The following HAO1 variants were observed in gnomAD, a reference collection of about 807,000 sequenced individuals.
HAO1 encodes the protein 2-Hydroxyacid oxidase 1.
Under a neutral mutation model 39.7 loss-of-function variants are expected in HAO1, and 34 were observed. The observed-to-expected ratio is 0.86, with a 90% CI of 0.65 to 1.14. HAO1 has a LOEUF of 1.14. HAO1 is among the 50% of genes most tolerant of loss of function. The pLI is 0.00. For synonymous variants in HAO1, 172 were observed against 173.2 expected, an observed-to-expected ratio of 0.99 and a Z score of 0.05; for missense variants, 479 against 464.5, an observed-to-expected ratio of 1.03 and a Z score of -0.29.
intron 4 of HAO1, among the ~76,000 whole-genome samples, chr20:7,903,572 G>A (rs1161162350): frequency 1.3e-5 from 2 of 150,842 alleles, no homozygotes; most frequent in Admixed American, 6.6e-5. Flanking sequence ...TGGTGGTGTT[G>A]ATGGTGGTTG....
At chr20:7,903,968 A>G (rs2050236021) in intron 4 of HAO1, among the ~76,000 whole-genome samples, 1 of 152,132 alleles carries the variant, frequency 6.6e-6, no homozygotes, top group African/African-American at 2.4e-5. Context: ...TCAACATAAC[A>G]TGTGATAGTA....
chr20:7,923,732 CA>C (rs2050345529), intron 2 of HAO1, among the ~76,000 whole-genome samples: 1 of 152,126 alleles, frequency 6.6e-6, no homozygotes, highest in African/African-American at 2.4e-5. Flanking sequence ...GGTATGTTAA[CA>C]AAATTCAGAT....
At position 7,883,494 on chromosome 20, in the gene HAO1, TG is replaced by T. The variant is rs2050136985; in HGVS notation, c.*98del. On this transcript the variant is annotated 3_prime_UTR_variant, in exon 8 of 8. Coordinates refer to ENST00000378789, the MANE Select transcript of HAO1 (RefSeq NM_017545.3). ...AAGAACGACACCCTTTGTATTGAAG[TG>T]GGGAATTACAGACTGTGGTCACCCT... The T allele has an allele frequency of 1.2e-6, 1 of 851,620 alleles. No individual in the cohort carries two copies. The highest frequency in any genetic ancestry group is 2.4e-5 in the East Asian group (1 of 40,958). The allele number at this position is 851,620 out of a possible 1,614,324, so 52.8% of individuals were successfully genotyped here. A position where few individuals can be genotyped will look rare whatever the true frequency, so the allele number is the denominator to read the frequency against.
chr20:7,910,927 T>C (rs1030801131), intron 3 of HAO1, among the ~76,000 whole-genome samples: 1 of 152,050 alleles, frequency 6.6e-6, no homozygotes, highest in African/African-American at 2.4e-5. Flanking sequence ...ATCTCTACCA[T>C]CAATTTTTAT....
intron 3 of HAO1, among the ~76,000 whole-genome samples, chr20:7,911,146 C>T (rs183813726): frequency 4.6e-5 from 7 of 152,276 alleles, no homozygotes; most frequent in South Asian, 4.1e-4. Flanking sequence ...GTGAGTGCTA[C>T]GCAGTGAGGC....
chr20:7,907,846 T>C (rs1038750247), intron 3 of HAO1, among the ~76,000 whole-genome samples: 1 of 152,178 alleles, frequency 6.6e-6, no homozygotes, highest in Non-Finnish European at 1.5e-5. Context: ...AATAGAATCA[T>C]TCCTGTGACT....
At chr20:7,905,184 T>G (rs1011723344) in intron 4 of HAO1, among the ~76,000 whole-genome samples, 2 of 149,246 alleles carry the variant, frequency 1.3e-5, no homozygotes, top group African/African-American at 5.2e-5. Flanking sequence ...TTAATTTGTT[T>G]AAGCACAGAA....
intron 3 of HAO1, among the ~76,000 whole-genome samples, chr20:7,909,383 A>ATATATATATATATATATATATATATACG (rs1568514558): frequency 8.0e-6 from 1 of 124,818 alleles, no homozygotes; most frequent in Admixed American, 8.1e-5. Flanking sequence ...ATATATGTAT[A>ATATATATATATATATATATATATATACG]TATATATATA....
At chr20:7,894,558 T>C (rs1482651410) in intron 5 of HAO1, among the ~76,000 whole-genome samples, 1 of 152,158 alleles carries the variant, frequency 6.6e-6, no homozygotes, top group Non-Finnish European at 1.5e-5. Context: ...GCAGCCAAGG[T>C]GGTTCACAAC....
At chr20:7,926,093 A>T (rs894872710) in intron 2 of HAO1, among the ~76,000 whole-genome samples, 3 of 152,084 alleles carry the variant, frequency 2.0e-5, no homozygotes, top group Non-Finnish European at 4.4e-5. Context: ...ACACAGAAAG[A>T]GCATGTCACT....
intron 2 of HAO1, among the ~76,000 whole-genome samples, chr20:7,926,844 G>T (rs1428816870): frequency 6.6e-6 from 1 of 151,298 alleles, no homozygotes; most frequent in Admixed American, 6.6e-5. Context: ...GCATCCAGGG[G>T]CTGGAATTTC....
At chr20:7,885,416 CA>C in intron 7 of HAO1, 104 bp downstream of exon 7, 1 of 760,584 alleles carries the variant, frequency 1.3e-6, no homozygotes, top group Non-Finnish European at 2.3e-6. Context: ...TTAATGTACT[CA>C]AATGATCCCA....
In HAO1 at chr20:7,934,571, C is replaced by T. The variant is rs768251403; in HGVS notation, c.202G>A (p.Gly68Arg). ...AETDLSTSVL[G>R]QRVSMPICVG... ...CATATTGGCATGCTGACCCTCTGTC[C>T]TAAAACAGAAGTCGACAGATCTGTT... Residue 68 changes from glycine (G) to arginine (R), a missense_variant, in exon 2 of 8, where the codon GGA becomes AGA. Gly to Arg is a moderately radical substitution (Grantham distance 125). Transcript: ENST00000378789. 2.5e-6 allele frequency: 4 copies of T among 1,611,972 alleles called. No individual in the cohort carries two copies. The highest frequency in any genetic ancestry group is 2.5e-6 in the Non-Finnish European group (3 of 1,178,262).
chr20:7,910,349 T>C (rs1385623215), intron 3 of HAO1, among the ~76,000 whole-genome samples: 4 of 152,194 alleles, frequency 2.6e-5, no homozygotes, highest in African/African-American at 4.8e-5. Context: ...AGAAAGAAAT[T>C]AGTAGAACTG....
chr20:7,912,000 T>C (rs1600113381), intron 3 of HAO1, among the ~76,000 whole-genome samples: 1 of 152,280 alleles, frequency 6.6e-6, no homozygotes, highest in East Asian at 1.9e-4. Context: ...TACTCCGAAG[T>C]CCACTAGGAC....
intron 4 of HAO1, among the ~76,000 whole-genome samples, chr20:7,903,735 G>A (rs949762167): frequency 1.3e-5 from 2 of 151,662 alleles, no homozygotes; most frequent in African/African-American, 4.8e-5. Context: ...TAGTTGTGGT[G>A]GTGGTGGTGG....
In HAO1 at chr20:7,883,478, AC is replaced by A; in HGVS notation, c.*114del. On this transcript the variant is annotated 3_prime_UTR_variant, in exon 8 of 8. Coordinates refer to ENST00000378789, the MANE Select transcript of HAO1 (RefSeq NM_017545.3). ...TGCTATTTTGTTGGAAAAGAACGAC[AC>A]CCTTTGTATTGAAGTGGGGAATTAC... The A allele has an allele frequency of 1.3e-6, 1 of 787,228 alleles. No homozygotes were observed. The highest frequency in any genetic ancestry group is 2.3e-6 in the Non-Finnish European group (1 of 444,126). The allele number at this position is 787,228 out of a possible 1,614,324, so 48.8% of individuals were successfully genotyped here.
intron 3 of HAO1, among the ~76,000 whole-genome samples, chr20:7,911,694 T>G (rs565038842): frequency 3.8e-4 from 58 of 152,046 alleles, no homozygotes; most frequent in Middle Eastern, 3.2e-3. Context: ...GACAGGACCC[T>G]CCCCCACACT....
intron 1 of HAO1, among the ~76,000 whole-genome samples, chr20:7,938,750 G>A (rs1337157478): frequency 2.0e-5 from 3 of 152,078 alleles, no homozygotes; most frequent in Non-Finnish European, 4.4e-5. Context: ...TGCATCCAGG[G>A]GAATGTAAGT....
Sources: gnomAD v4.1 joint callset for allele counts (sites outside exome capture counted in the v4.1 genomes callset) on GRCh38, gnomAD v4.1.1 for gene constraint, MANE v1.5 for transcripts, NCBI Gene and HGNC (gene_info 2026-07-23, HGNC 2026-07-21) for gene names.